CNNM1: variants seen among roughly 807,000 people sequenced by gnomAD.
CNNM1 encodes the protein cyclin and CBS domain divalent metal cation transport mediator 1.
In CNNM1, 44 loss-of-function variants were observed where a neutral mutation model predicts 78.8. The ratio of observed to expected loss-of-function variants is 0.56; its 90% CI spans 0.44 to 0.72. The LOEUF (loss-of-function observed/expected upper bound fraction) is 0.72, where lower values mean the gene tolerates loss of function less well. Ranked by LOEUF, CNNM1 falls within the 30% of genes least tolerant of loss-of-function variation. CNNM1 has a pLI of 0.00. For missense variants in CNNM1, 1,101 were observed against 1,292.2 expected (o/e 0.85, Z 2.27); for synonymous variants, 584 against 581.5 (o/e 1.00, Z -0.06).
At chr10:99,338,218 T>C (rs2030278037) in intron 1 of CNNM1, among the ~76,000 whole-genome samples, 1 of 151,886 alleles carries the variant, frequency 6.6e-6, no homozygotes, top group African/African-American at 2.4e-5. Context: ...ACATAAAGCA[T>C]TAAAATGAAA....
intron 1 of CNNM1, among the ~76,000 whole-genome samples, chr10:99,347,114 G>T (rs139433029): frequency 8.2e-4 from 124 of 152,016 alleles, no homozygotes; most frequent in African/African-American, 2.9e-3. Context: ...GAAATAATCT[G>T]TATACCAAAC....
At chr10:99,356,514 G>GAAAGAA (rs1234385335) in intron 1 of CNNM1, among the ~76,000 whole-genome samples, 8 of 142,646 alleles carry the variant, frequency 5.6e-5, no homozygotes, top group African/African-American at 1.9e-4. Flanking sequence ...GAGAGAGAAA[G>GAAAGAA]AGAAAGAGAG....
chr10:99,356,588 GAAAGAAAGAAAGAAAGA>G (rs1275925773), intron 1 of CNNM1, among the ~76,000 whole-genome samples: 6 of 108,870 alleles, frequency 5.5e-5, no homozygotes, highest in Non-Finnish European at 7.7e-5. Context: ...AAGAAAGAAA[GAAAGAAAGAAAGAAAGA>G]AAAGAAAGAA....
intron 1 of CNNM1, among the ~76,000 whole-genome samples, chr10:99,350,637 A>AT (rs1291348815): frequency 5.3e-5 from 8 of 152,078 alleles, no homozygotes; most frequent in Non-Finnish European, 1.0e-4. Flanking sequence ...ATATTTTTAC[A>AT]TTTTTTTAAA....
chr10:99,341,351 G>A (rs2030451157), intron 1 of CNNM1, among the ~76,000 whole-genome samples: 1 of 152,102 alleles, frequency 6.6e-6, no homozygotes, highest in Admixed American at 6.6e-5. Flanking sequence ...CATCGTCTGG[G>A]CAGGTCAGTT....
At chr10:99,360,432 G>T (rs369687305) in intron 2 of CNNM1, among the ~76,000 whole-genome samples, 2 of 152,190 alleles carry the variant, frequency 1.3e-5, no homozygotes, top group East Asian at 3.8e-4. Flanking sequence ...CATTCTCACA[G>T]GTAGTTTCCA....
rs1349147021 is a variant in CNNM1, at chr10:99,391,538, T to C, written c.*22T>C. ...ATGACAGGGCAAAGCCAGCATTCAC[T>C]GGGTGTGTGAAATTCCAGAGCTTTG... is the stretch of plus-strand genomic sequence containing the variant. On this transcript the variant is annotated 3_prime_UTR_variant, in exon 11 of 11. Transcript: ENST00000356713. 2 of 1,604,554 alleles carry C rather than the reference T, an allele frequency of 1.2e-6. No homozygotes were observed. Among genetic ancestry groups the C allele is most frequent in the South Asian group, 1.1e-5 (1 of 90,486 alleles).
chr10:99,376,032 A>C (rs2031949839), intron 6 of CNNM1, among the ~76,000 whole-genome samples: 1 of 152,228 alleles, frequency 6.6e-6, no homozygotes, highest in African/African-American at 2.4e-5. Flanking sequence ...CTGGCTAAGC[A>C]TTCAGGAGAT....
intron 1 of CNNM1, among the ~76,000 whole-genome samples, chr10:99,338,499 G>T (rs998687056): frequency 3.3e-5 from 5 of 151,870 alleles, no homozygotes; most frequent in Non-Finnish European, 7.4e-5. Flanking sequence ...GGGTGGTCTC[G>T]AACTCCTGAG....
At chr10:99,340,209 T>G (rs1056712726) in intron 1 of CNNM1, among the ~76,000 whole-genome samples, 2 of 152,206 alleles carry the variant, frequency 1.3e-5, no homozygotes, top group African/African-American at 4.8e-5. Context: ...AATGTTGTTA[T>G]GTTCATTTTT....
chr10:99,344,514 C>T (rs2030599616), intron 1 of CNNM1, among the ~76,000 whole-genome samples: 1 of 152,260 alleles, frequency 6.6e-6, no homozygotes, highest in African/African-American at 2.4e-5. Context: ...CTTTCTCTCT[C>T]TGATCCAGCC....
intron 6 of CNNM1, among the ~76,000 whole-genome samples, chr10:99,366,121 C>T (rs1187425948): frequency 3.9e-5 from 6 of 152,170 alleles, no homozygotes; most frequent in Admixed American, 3.9e-4. Flanking sequence ...AATGAAGTAC[C>T]TGCCCAGTGT....
At position 99,391,614 on chromosome 10, in the gene CNNM1, T is replaced by G. The variant is rs2032475121; in HGVS notation, c.*98T>G. The G allele has an allele frequency of 1.0e-6, 1 of 985,858 alleles. No individual in the cohort carries two copies. Among genetic ancestry groups the G allele is most frequent in the Non-Finnish European group, 1.5e-6 (1 of 647,950 alleles). The allele number at this position is 985,858 out of a possible 1,614,324, so 61.1% of individuals were successfully genotyped here. ...TGCTTCCCCCAAGGCCTCCCACAGGTGACAGAATGTTCTGCCTTCCCTTCC... is the reference window on the plus strand; with the variant it reads ...TGCTTCCCCCAAGGCCTCCCACAGGGGACAGAATGTTCTGCCTTCCCTTCC... On this transcript the variant is annotated 3_prime_UTR_variant, in exon 11 of 11. Transcript: ENST00000356713.
Position 99,330,138 on chromosome 10 carries a change from C to T in CNNM1, c.751C>T (p.Pro251Ser). 6.5e-7 allele frequency: 1 copy of T among 1,547,806 alleles called. No individual in the cohort carries two copies. The highest frequency in any genetic ancestry group is 8.7e-7 in the Non-Finnish European group (1 of 1,153,372). Residue 251 changes from proline to serine, a missense_variant, in exon 1 of 11, where the codon CCG becomes TCG. Pro to Ser is a moderately conservative substitution (Grantham distance 74). This residue lies in a region of CNNM1 where 476 missense variants were observed against 484.5 expected (regional missense o/e 0.98). Coordinates refer to ENST00000356713, the MANE Select transcript of CNNM1 (RefSeq NM_020348.3). ...GLRLSLLSLD[P>S]VELRVLRNSG... ...GCGCCTGAGCCTGCTGTCGCTGGAC[C>T]CGGTGGAGTTACGGGTGCTGCGGAA...
At chr10:99,349,769 G>A (rs1267164251) in intron 1 of CNNM1, among the ~76,000 whole-genome samples, 1 of 152,236 alleles carries the variant, frequency 6.6e-6, no homozygotes, top group Admixed American at 6.5e-5. Flanking sequence ...GGGAGGCTGA[G>A]GTGGGCGGAT....
chr10:99,331,330 A>G (rs527812882), intron 1 of CNNM1, among the ~76,000 whole-genome samples: 1 of 152,302 alleles, frequency 6.6e-6, no homozygotes, highest in South Asian at 2.1e-4. Context: ...GCAGGTTCCC[A>G]TACAAGCAGC....
Position 99,388,229 on chromosome 10 carries a change from G to A in CNNM1, c.2602G>A (p.Glu868Lys). Residue 868 changes from glutamate to lysine, a missense_variant, in exon 9 of 11, where the codon GAA becomes AAA. This residue lies in a region of CNNM1 where 348 missense variants were observed against 384.5 expected (regional missense o/e 0.90). Coordinates refer to ENST00000356713, the MANE Select transcript of CNNM1 (RefSeq NM_020348.3). Reference sequence around the variant, plus strand: ...GGAGGAGCTGGCCTTCACCCAGGAAGAAATGACTGACTTCGAGGAGCACAG... The same window carrying A: ...GGAGGAGCTGGCCTTCACCCAGGAAAAAATGACTGACTTCGAGGAGCACAG... ...RMEELAFTQE[E>K]MTDFEEHSTQ... is the part of the protein sequence containing the mutation. The A allele has an allele frequency of 6.2e-7, 1 of 1,614,012 alleles. No homozygotes were observed. The highest frequency in any genetic ancestry group is 8.5e-7 in the Non-Finnish European group (1 of 1,179,900).
intron 7 of CNNM1, among the ~76,000 whole-genome samples, chr10:99,387,272 A>T (rs114057113): frequency 1.3e-3 from 203 of 152,224 alleles, no homozygotes; most frequent in African/African-American, 4.4e-3. Flanking sequence ...TGATTTGAGG[A>T]GACAGCTGGG....
chr10:99,383,948 C>T (rs2134078817), intron 7 of CNNM1, among the ~76,000 whole-genome samples: 1 of 152,294 alleles, frequency 6.6e-6, no homozygotes, highest in Admixed American at 6.5e-5. Context: ...GCAAAATACA[C>T]ATTGTATTTC....
Sources: allele counts gnomAD v4.1 joint callset (sites outside exome capture counted in the v4.1 genomes callset), GRCh38; gene constraint gnomAD v4.1.1; regional missense constraint gnomAD v4.1.1; transcripts MANE v1.5; gene names NCBI Gene and HGNC (gene_info 2026-07-23, HGNC 2026-07-21).